The following TAFA1 variants were observed in gnomAD, a reference collection of about 807,000 sequenced individuals.
TAFA1 encodes chemokine-like protein TAFA-1.
Under a neutral mutation model 18.5 loss-of-function variants are expected in TAFA1, and 4 were observed. The ratio of observed to expected loss-of-function variants is 0.22; its 90% CI spans 0.11 to 0.49. TAFA1 has a LOEUF of 0.49. Among genes scored for constraint, TAFA1 ranks in the 20% least tolerant of loss-of-function variants. TAFA1 has a pLI of 0.98. For synonymous variants in TAFA1, 56 were observed against 55.2 expected, an observed-to-expected ratio of 1.01 and a Z score of -0.06; for missense variants, 147 against 169.0, an observed-to-expected ratio of 0.87 and a Z score of 0.72.
chr3:68,396,708 C>T (rs1168552979), intron 2 of TAFA1, among the ~76,000 whole-genome samples: 2 of 152,148 alleles, frequency 1.3e-5, no homozygotes, highest in Non-Finnish European at 2.9e-5. Flanking sequence ...ATTTGTTATT[C>T]TTGGGCATAT....
chr3:68,464,671 T>C (rs907081), intron 3 of TAFA1, among the ~76,000 whole-genome samples: 17,764 of 152,032 alleles, frequency 0.12, 2,655 homozygotes, highest in African/African-American at 0.33. Flanking sequence ...ACATTTTTGG[T>C]GGGTTTTAAG....
intron 2 of TAFA1, among the ~76,000 whole-genome samples, chr3:68,215,043 T>C (rs1575684629): frequency 6.6e-6 from 1 of 152,044 alleles, no homozygotes; most frequent in Non-Finnish European, 1.5e-5. Context: ...TAAAGCTCCA[T>C]AAAACTACTT....
chr3:68,067,405 A>G (rs1224930734), intron 2 of TAFA1, among the ~76,000 whole-genome samples: 1 of 152,046 alleles, frequency 6.6e-6, no homozygotes, highest in Non-Finnish European at 1.5e-5. Flanking sequence ...CAATGACCAC[A>G]ATAAACTGAC....
chr3:68,538,827 C>G lies in TAFA1; in HGVS notation c.331C>G (p.Pro111Ala). 1 of 1,613,474 alleles carries G rather than the reference C, an allele frequency of 6.2e-7. No homozygotes were observed. Among genetic ancestry groups the G allele is most frequent in the Non-Finnish European group, 8.5e-7 (1 of 1,179,628 alleles). ...AGAAGGAGAAGAATGTAAGACACTC[C>G]CTGACAATTCTGGATGGATGTGCGC... ...CLEGEECKTL[P>A]DNSGWMCATG... is the part of the protein sequence containing the mutation. Residue 111 changes from proline to alanine, a missense_variant, in exon 4 of 5, where the codon CCT becomes GCT. Physicochemically the swap from Pro to Ala is conservative, Grantham distance 27. Coordinates refer to ENST00000478136, the MANE Select transcript of TAFA1 (RefSeq NM_213609.4).
At chr3:68,031,458 A>G (rs1704933501) in intron 2 of TAFA1, among the ~76,000 whole-genome samples, 1 of 152,202 alleles carries the variant, frequency 6.6e-6, no homozygotes, top group African/African-American at 2.4e-5. Context: ...GTGCTTATAA[A>G]TGAAAAATAA....
intron 3 of TAFA1, among the ~76,000 whole-genome samples, chr3:68,483,312 C>T (rs924928511): frequency 1.4e-5 from 2 of 143,752 alleles, no homozygotes; most frequent in African/African-American, 5.2e-5. Flanking sequence ...TGGTCTCTTT[C>T]AAAGCTATTC....
intron 2 of TAFA1, among the ~76,000 whole-genome samples, chr3:68,084,200 T>A (rs2064942482): frequency 6.6e-6 from 1 of 152,256 alleles, no homozygotes; most frequent in African/African-American, 2.4e-5. Context: ...GATGGAGGAA[T>A]ATAGGTGTGG....
At chr3:68,430,977 T>G (rs1195661734) in intron 3 of TAFA1, among the ~76,000 whole-genome samples, 3 of 151,992 alleles carry the variant, frequency 2.0e-5, no homozygotes, top group Non-Finnish European at 4.4e-5. Flanking sequence ...GGGTTTATTT[T>G]AACTACAGGC....
chr3:68,173,845 C>G (rs1203902232), intron 2 of TAFA1, among the ~76,000 whole-genome samples: 1 of 151,856 alleles, frequency 6.6e-6, no homozygotes, highest in African/African-American at 2.4e-5. Flanking sequence ...TTTTTTGAAA[C>G]AGCAGTAGAA....
chr3:68,341,162 T>C (rs1219250928), intron 2 of TAFA1, among the ~76,000 whole-genome samples: 1 of 152,154 alleles, frequency 6.6e-6, no homozygotes, highest in African/African-American at 2.4e-5. Flanking sequence ...TGGGAGACCA[T>C]AGTTTTATTA....
At chr3:68,024,827 A>ACACACG (rs1704779313) in intron 2 of TAFA1, among the ~76,000 whole-genome samples, 1 of 151,716 alleles carries the variant, frequency 6.6e-6, no homozygotes, top group South Asian at 2.1e-4. Flanking sequence ...ACACACACAC[A>ACACACG]CACACAATTA....
At chr3:68,497,083 G>A (rs1341148240) in intron 3 of TAFA1, among the ~76,000 whole-genome samples, 1 of 152,124 alleles carries the variant, frequency 6.6e-6, no homozygotes, top group African/African-American at 2.4e-5. Flanking sequence ...CATTGTAAGT[G>A]TTTGGCATGT....
intron 2 of TAFA1, among the ~76,000 whole-genome samples, chr3:68,091,616 A>G (rs1413497110): frequency 6.6e-6 from 1 of 152,154 alleles, no homozygotes. Flanking sequence ...AAGCAGATCA[A>G]TGAATTATAT....
chr3:68,015,823 G>A (rs1483022063), intron 2 of TAFA1, among the ~76,000 whole-genome samples: 1 of 152,040 alleles, frequency 6.6e-6, no homozygotes, highest in Non-Finnish European at 1.5e-5. Context: ...TATGAATAAA[G>A]GCTACTTATT....
chr3:68,037,851 G>T (rs745607050), intron 2 of TAFA1, among the ~76,000 whole-genome samples: 27 of 152,124 alleles, frequency 1.8e-4, no homozygotes, highest in Non-Finnish European at 3.5e-4. Context: ...ACAACAGGAA[G>T]AAAACATATT....
intron 2 of TAFA1, among the ~76,000 whole-genome samples, chr3:68,164,069 G>GT (rs2065954875): frequency 6.6e-6 from 1 of 152,154 alleles, no homozygotes; most frequent in African/African-American, 2.4e-5. Flanking sequence ...TGCTGAATGT[G>GT]TTTTTTAACA....
intron 2 of TAFA1, among the ~76,000 whole-genome samples, chr3:68,358,565 T>A (rs972253787): frequency 6.6e-6 from 1 of 151,908 alleles, no homozygotes; most frequent in Non-Finnish European, 1.5e-5. Flanking sequence ...TATTATTTCA[T>A]TGTTTGCATG....
intron 2 of TAFA1, among the ~76,000 whole-genome samples, chr3:68,406,740 G>A (rs1490536948): frequency 2.0e-5 from 3 of 152,182 alleles, no homozygotes; most frequent in Non-Finnish European, 2.9e-5. Context: ...TAGCCCAAAG[G>A]CAGTCTGATG....
intron 2 of TAFA1, among the ~76,000 whole-genome samples, chr3:68,036,711 C>T (rs1270296815): frequency 6.6e-6 from 1 of 152,022 alleles, no homozygotes; most frequent in Non-Finnish European, 1.5e-5. Flanking sequence ...GAAGGTGGGT[C>T]CCTTAACTCT....
Sources: allele counts gnomAD v4.1 joint callset (sites outside exome capture counted in the v4.1 genomes callset), GRCh38; gene constraint gnomAD v4.1.1; transcripts MANE v1.5; gene names NCBI Gene and HGNC (gene_info 2026-07-23, HGNC 2026-07-21).